SDK1: variants seen among roughly 807,000 people sequenced by gnomAD.
SDK1 encodes the protein sidekick cell adhesion molecule 1, also known as protein sidekick-1.
In SDK1, 157 loss-of-function variants were observed where a neutral mutation model predicts 245.5. The observed-to-expected ratio is 0.64, with a 90% CI of 0.56 to 0.73. The LOEUF (loss-of-function observed/expected upper bound fraction) is 0.73. Among genes scored for constraint, SDK1 ranks in the 30% least tolerant of loss-of-function variants. SDK1 has a pLI of 0.00. For synonymous variants in SDK1, 1,647 were observed against 1,278.5 expected (o/e 1.29, Z -6.15); for missense variants, 3,583 against 3,002.3 (o/e 1.19, Z -4.52).
chr7:4,126,174 T>C (rs535171109), intron 25 of SDK1, among the ~76,000 whole-genome samples: 5 of 152,226 alleles, frequency 3.3e-5, no homozygotes, highest in Non-Finnish European at 7.3e-5. Context: ...CCATGCTGTT[T>C]ATAAACAGGG....
At chr7:4,016,131 G>A (rs907415600) in intron 16 of SDK1, among the ~76,000 whole-genome samples, 3 of 152,220 alleles carry the variant, frequency 2.0e-5, no homozygotes, top group Admixed American at 1.3e-4. Flanking sequence ...CCCTGCCCGC[G>A]TGGGACCACA....
intron 1 of SDK1, among the ~76,000 whole-genome samples, chr7:3,409,015 T>G (rs1395135954): frequency 1.3e-5 from 2 of 152,244 alleles, no homozygotes; most frequent in Admixed American, 6.5e-5. Flanking sequence ...CACATAGTGC[T>G]GGCTTGTCAG....
chr7:3,305,420 G>A (rs1779391389), intron 1 of SDK1, among the ~76,000 whole-genome samples: 1 of 152,096 alleles, frequency 6.6e-6, no homozygotes, highest in South Asian at 2.1e-4. Flanking sequence ...TCTGTGGTCT[G>A]GGTCACTTTT....
At chr7:3,883,525 G>A (rs1336804654) in intron 5 of SDK1, among the ~76,000 whole-genome samples, 2 of 152,138 alleles carry the variant, frequency 1.3e-5, no homozygotes, top group Admixed American at 6.6e-5. Context: ...ATGAGTTCCA[G>A]AAATTCATCC....
intron 5 of SDK1, among the ~76,000 whole-genome samples, chr7:3,939,028 G>A (rs573665787): frequency 2.4e-4 from 36 of 152,320 alleles, no homozygotes; most frequent in South Asian, 1.4e-3. Flanking sequence ...GAAGCAGTGC[G>A]TTGAGATGAA....
chr7:4,150,106 T>C (rs1322995314), intron 30 of SDK1, among the ~76,000 whole-genome samples: 1 of 152,032 alleles, frequency 6.6e-6, no homozygotes, highest in Non-Finnish European at 1.5e-5. Flanking sequence ...ACCCACCCAC[T>C]CTTTACAGAC....
chr7:3,661,898 C>T (rs551683029), intron 4 of SDK1, among the ~76,000 whole-genome samples: 21 of 152,196 alleles, frequency 1.4e-4, no homozygotes, highest in Middle Eastern at 3.4e-3. Context: ...AGGGGGTTAC[C>T]TGTTTAAGCA....
chr7:4,060,866 C>G (rs1190260797), intron 19 of SDK1, among the ~76,000 whole-genome samples: 1 of 151,942 alleles, frequency 6.6e-6, no homozygotes, highest in Non-Finnish European at 1.5e-5. Flanking sequence ...ATATGGCTAG[C>G]CAGTTTTCCC....
At chr7:3,459,083 G>C (rs960202310) in intron 1 of SDK1, among the ~76,000 whole-genome samples, 1 of 152,186 alleles carries the variant, frequency 6.6e-6, no homozygotes, top group African/African-American at 2.4e-5. Flanking sequence ...TAAATCTATA[G>C]ATTGACCTGG....
At chr7:3,451,451 G>T (rs1042858284) in intron 1 of SDK1, among the ~76,000 whole-genome samples, 1 of 152,096 alleles carries the variant, frequency 6.6e-6, no homozygotes, top group East Asian at 1.9e-4. Flanking sequence ...GAGAGGGTCA[G>T]GGGACTTGGA....
Position 4,024,160 on chromosome 7 carries a change from A to G in SDK1, c.2602+6808A>G, listed in dbSNP as rs571574617. 4.6e-5 allele frequency among the ~76,000 whole-genome samples: 7 copies of G among 152,324 alleles called. 1 individual carries two copies. The highest frequency in any genetic ancestry group is 1.7e-4 in the African/African-American group (7 of 41,578). ...AGAACATTACCTTATAATGAAAGAG[A>G]AATATTTCATATTTTAAAAGAAATG... On this transcript the variant is annotated intron_variant, in intron 17 of 44. Coordinates refer to ENST00000404826, the MANE Select transcript of SDK1 (RefSeq NM_152744.4).
intron 5 of SDK1, among the ~76,000 whole-genome samples, chr7:3,949,364 G>C (rs1171385752): frequency 6.6e-6 from 1 of 152,238 alleles, no homozygotes; most frequent in African/African-American, 2.4e-5. Flanking sequence ...TGCTTAGGCA[G>C]TGCAAGGCAG....
chr7:3,864,616 G>A (rs929535792), intron 5 of SDK1, among the ~76,000 whole-genome samples: 3 of 152,178 alleles, frequency 2.0e-5, no homozygotes, highest in African/African-American at 7.2e-5. Flanking sequence ...CCCCAAGGAC[G>A]TGAGGGGCAC....
chr7:4,054,312 G>A (rs1251704641), intron 19 of SDK1, among the ~76,000 whole-genome samples: 1 of 152,168 alleles, frequency 6.6e-6, no homozygotes, highest in East Asian at 1.9e-4. Flanking sequence ...TTGAGACCGT[G>A]TACATTTAGC....
intron 40 of SDK1, among the ~76,000 whole-genome samples, chr7:4,223,327 T>C (rs1046367697): frequency 1.3e-5 from 2 of 152,248 alleles, no homozygotes; most frequent in Admixed American, 6.5e-5. Context: ...ACATTCGTTA[T>C]CCAGGGCTGC....
At chr7:3,615,631 GA>G (rs1289333442) in intron 1 of SDK1, among the ~76,000 whole-genome samples, 1 of 151,544 alleles carries the variant, frequency 6.6e-6, no homozygotes, top group Non-Finnish European at 1.5e-5. Flanking sequence ...CATGTTTATT[GA>G]ACAGAAAGTT....
chr7:4,173,409 AAGC>A (rs1298895649), intron 32 of SDK1, among the ~76,000 whole-genome samples: 1 of 152,132 alleles, frequency 6.6e-6, no homozygotes, highest in Non-Finnish European at 1.5e-5. Context: ...AGGAAAAGGC[AAGC>A]CTTGCGCTGG....
chr7:3,992,988 G>A (rs576689701), intron 14 of SDK1, among the ~76,000 whole-genome samples: 2 of 152,210 alleles, frequency 1.3e-5, no homozygotes, highest in African/African-American at 4.8e-5. Flanking sequence ...ATATGTTGTG[G>A]GCTGTTCACT....
intron 32 of SDK1, among the ~76,000 whole-genome samples, chr7:4,165,318 C>A (rs1237479575): frequency 6.6e-6 from 1 of 152,148 alleles, no homozygotes; most frequent in Non-Finnish European, 1.5e-5. Flanking sequence ...AAGATGGCAC[C>A]ATTGCACTCC....
Sources: gnomAD v4.1 joint callset for allele counts (sites outside exome capture counted in the v4.1 genomes callset) on GRCh38, gnomAD v4.1.1 for gene constraint, MANE v1.5 for transcripts, NCBI Gene and HGNC (gene_info 2026-07-23, HGNC 2026-07-21) for gene names.